The following USP9X variants were observed in gnomAD, a reference collection of about 807,000 sequenced individuals.
The protein encoded by USP9X is ubiquitin carboxyl-terminal hydrolase 9X.
In USP9X, 7 loss-of-function variants were observed where a neutral mutation model predicts 190.3. The ratio of observed to expected loss-of-function variants is 0.04; its 90% CI spans 0.02 to 0.07. The LOEUF is 0.07. USP9X is among the 10% of genes least tolerant of loss of function. The probability of loss-of-function intolerance (pLI) is 1.00; values close to 1 mark genes in which losing one functional copy is unlikely to be tolerated. For missense variants in USP9X, 1,010 were observed against 1,916.9 expected (o/e 0.53, Z 8.83); for synonymous variants, 645 against 659.5 (o/e 0.98, Z 0.34).
At chrX:41,159,477 G>C (rs1008718064) in intron 14 of USP9X, among the ~76,000 whole-genome samples, 33 of 111,170 alleles carry the variant, frequency 3.0e-4, no homozygotes, top group African/African-American at 1.0e-3. Context: ...AAAACATTAT[G>C]CTAAGTGGGA....
intron 37 of USP9X, 94 bp from the exon 38 acceptor site, chrX:41,219,008 G>T: frequency 1.1e-6 from 1 of 880,596 alleles, no homozygotes; most frequent in Non-Finnish European, 1.5e-6. Flanking sequence ...ATAAATGTAT[G>T]CCTGTATCAG....
intron 21 of USP9X, among the ~76,000 whole-genome samples, chrX:41,176,016 C>CA (rs1259662254): frequency 9.0e-6 from 1 of 111,179 alleles, no homozygotes; most frequent in Admixed American, 9.5e-5. Context: ...CTCAGCCTCC[C>CA]AGTAGCTGGG....
At chrX:41,091,365 C>G (rs1245387636) in intron 1 of USP9X, among the ~76,000 whole-genome samples, 2 of 111,878 alleles carry the variant, frequency 1.8e-5, no homozygotes, top group African/African-American at 3.2e-5. Context: ...ATTACATACT[C>G]TGGTGTCACC....
At chrX:41,157,842 A>T (rs2062592694) in intron 14 of USP9X, among the ~76,000 whole-genome samples, 1 of 112,092 alleles carries the variant, frequency 8.9e-6, no homozygotes, top group Non-Finnish European at 1.9e-5. Context: ...CTTGAATTAC[A>T]AATATGCTCA....
chrX:41,095,961 A>C (rs762724645), intron 1 of USP9X, among the ~76,000 whole-genome samples: 29 of 111,999 alleles, frequency 2.6e-4, no homozygotes, highest in Admixed American at 8.5e-4. Flanking sequence ...GGTGCTGCTA[A>C]TTTGAGTTTG....
chrX:41,233,191 C>T lies in USP9X; in HGVS notation c.*667C>T, dbSNP rs2063376325. On this transcript the variant is annotated 3_prime_UTR_variant, in exon 45 of 45. Coordinates refer to ENST00000378308, the MANE Select transcript of USP9X (RefSeq NM_001039591.3). ...TGTAACATTTAGCATGGCTTCACAC[C>T]AAGTTAGTGTAGCCAATGAGGAAAA... is the stretch of plus-strand genomic sequence containing the variant. 8.9e-6 allele frequency: 1 copy of T among 111,790 alleles called. No individual in the cohort carries two copies. The highest frequency in any genetic ancestry group is 3.2e-5 in the African/African-American group (1 of 30,811). 9.2% of individuals were successfully genotyped at this position (111,790 alleles called of 1,213,427 possible). A position where few individuals can be genotyped will look rare whatever the true frequency, so the allele number is the denominator to read the frequency against.
chrX:41,196,498 G>A, intron 27 of USP9X, 94 bp from the exon 28 acceptor site: 2 of 1,095,384 alleles, frequency 1.8e-6, no homozygotes, highest in Non-Finnish European at 1.2e-6. Flanking sequence ...TTCCCGCACT[G>A]TGGTAGTCAT....
Position 41,215,883 on chromosome X carries a change from G to T in USP9X, c.5332-16G>T, listed in dbSNP as rs1471202327. The T allele has an allele frequency of 7.9e-6, 9 of 1,140,233 alleles. No individual in the cohort carries two copies. The highest frequency in any genetic ancestry group is 3.2e-5 in the East Asian group (1 of 31,176). The allele number at this position is 1,140,233 out of a possible 1,213,427, so 94.0% of individuals were successfully genotyped here. ...TTTTAATAGAACATCTGGTAACTTT[G>T]TCTTGTTTATTTTAGGTTGATACCG... is the stretch of plus-strand genomic sequence containing the variant. On this transcript the variant is annotated splice_polypyrimidine_tract_variant and intron_variant, in intron 34 of 44. Transcript: ENST00000378308.
intron 1 of USP9X, among the ~76,000 whole-genome samples, chrX:41,099,174 G>C (rs1478971714): frequency 1.1e-5 from 1 of 91,988 alleles, no homozygotes; most frequent in Non-Finnish European, 2.1e-5. Flanking sequence ...GAGCTCCTGG[G>C]CTCCAGCAAT....
Position 41,225,141 on chromosome X carries a change from G to T in USP9X, c.7061+4G>T, listed in dbSNP as rs745636201. On this transcript the variant is annotated splice_donor_region_variant and intron_variant, in intron 41 of 44. Transcript: ENST00000378308. ...AGGACTCCTGGCAAACTCACAGGTG[G>T]ATACTCTTTTTGTGACTGGAAACAA... 1.7e-6 allele frequency: 2 copies of T among 1,208,098 alleles called. No individual in the cohort carries two copies. Among genetic ancestry groups the T allele is most frequent in the Non-Finnish European group, 2.2e-6 (2 of 892,657 alleles).
chrX:41,087,537 C>T (rs1180014343), intron 1 of USP9X, among the ~76,000 whole-genome samples: 2 of 112,441 alleles, frequency 1.8e-5, no homozygotes, highest in Non-Finnish European at 3.8e-5. Context: ...AAAAAAGTGT[C>T]AACATTCGTT....
intron 43 of USP9X, 117 bp downstream of exon 43, chrX:41,229,896 T>C (rs1362576802): frequency 1.9e-5 from 22 of 1,134,729 alleles, no homozygotes; most frequent in Middle Eastern, 2.8e-4. Context: ...GTTGAAGTTT[T>C]GGGTTTTGAA....
intron 30 of USP9X, 26 bp downstream of exon 30, chrX:41,198,776 A>C (rs760663610): frequency 9.0e-7 from 1 of 1,111,304 alleles, no homozygotes; most frequent in South Asian, 2.0e-5. Context: ...AGAATGTGAT[A>C]ATTGATCATT....
chrX:41,107,034 C>T (rs1277586209), intron 1 of USP9X, among the ~76,000 whole-genome samples: 1 of 108,392 alleles, frequency 9.2e-6, no homozygotes, highest in East Asian at 2.9e-4. Context: ...TTACAGGCGC[C>T]CGCCACCATG....
chrX:41,209,792 G>A (rs776657222), intron 32 of USP9X, among the ~76,000 whole-genome samples: 1 of 112,351 alleles, frequency 8.9e-6, no homozygotes, highest in East Asian at 2.8e-4. Flanking sequence ...TTTTACAAAA[G>A]TATAAACAGA....
chrX:41,144,674 T>G, intron 11 of USP9X, 48 bp downstream of exon 11: 9 of 965,052 alleles, frequency 9.3e-6, no homozygotes, highest in Non-Finnish European at 1.3e-5. Context: ...CAAATAGAAT[T>G]GATTAATTAG....
chrX:41,110,303 A>G (rs2062099355), intron 1 of USP9X, among the ~76,000 whole-genome samples: 1 of 112,565 alleles, frequency 8.9e-6, no homozygotes, highest in Non-Finnish European at 1.9e-5. Context: ...GTTCCTTGAT[A>G]TGTACTATAA....
intron 32 of USP9X, among the ~76,000 whole-genome samples, chrX:41,207,094 T>A (rs1297743867): frequency 1.1e-5 from 1 of 88,011 alleles, no homozygotes; most frequent in Non-Finnish European, 2.2e-5. Flanking sequence ...TTTTTTTTTT[T>A]TTTTTTTTTT....
chrX:41,144,697 C>T (rs2062450111), intron 11 of USP9X, 71 bp downstream of exon 11: 11 of 867,245 alleles, frequency 1.3e-5, no homozygotes, highest in South Asian at 2.2e-5. Flanking sequence ...CTGTGAATTA[C>T]TTTTAGCCAA....
Sources: allele counts gnomAD v4.1 joint callset (sites outside exome capture counted in the v4.1 genomes callset), GRCh38; gene constraint gnomAD v4.1.1; transcripts MANE v1.5; gene names NCBI Gene and HGNC (gene_info 2026-07-23, HGNC 2026-07-21).